Variants in RAD51B observed in about 807,000 individuals in gnomAD.
RAD51B encodes DNA repair protein RAD51 homolog 2.
RAD51B carries 38 observed loss-of-function variants against 42.2 expected under a neutral mutation model. That is an observed-to-expected ratio of 0.90 (90% CI 0.70 to 1.18). The LOEUF (loss-of-function observed/expected upper bound fraction) is 1.18, where lower values mean the gene tolerates loss of function less well. RAD51B is among the 50% of genes most tolerant of loss of function. RAD51B has a pLI of 0.00. For missense variants in RAD51B, 373 were observed against 400.7 expected (o/e 0.93, Z 0.59); for synonymous variants, 154 against 145.2 (o/e 1.06, Z -0.43).
chr14:67,915,447 G>C (rs2044119191), intron 7 of RAD51B, among the ~76,000 whole-genome samples: 1 of 152,154 alleles, frequency 6.6e-6, no homozygotes, highest in Non-Finnish European at 1.5e-5. Context: ...AAAAGTACCA[G>C]CAATAGCTTC....
intron 9 of RAD51B, among the ~76,000 whole-genome samples, chr14:68,432,736 AT>A (rs2085043618): frequency 6.6e-6 from 1 of 152,198 alleles, no homozygotes; most frequent in African/African-American, 2.4e-5. Flanking sequence ...TAATTGGAGC[AT>A]TTAGCCCATT....
At chr14:68,332,484 T>G (rs1180876501) in intron 8 of RAD51B, among the ~76,000 whole-genome samples, 1 of 152,230 alleles carries the variant, frequency 6.6e-6, no homozygotes, top group Middle Eastern at 3.2e-3. Flanking sequence ...ATTGTTTTCT[T>G]TCTAAACCTC....
chr14:68,497,721 C>T (rs767096135), intron 10 of RAD51B: 4 of 243,592 alleles, frequency 1.6e-5, no homozygotes, highest in Non-Finnish European at 3.1e-5. Flanking sequence ...ACCCACCAAT[C>T]TACTTTGTTG....
At chr14:68,396,197 A>G (rs8014234) in intron 8 of RAD51B, among the ~76,000 whole-genome samples, 68,123 of 152,128 alleles carry the variant, frequency 0.45, 16,888 homozygotes, top group South Asian at 0.6. Flanking sequence ...GCAACACTAG[A>G]GATATACTTC....
chr14:68,388,054 TTGTGTGTGTGTGTG>T (rs140319319), intron 8 of RAD51B, among the ~76,000 whole-genome samples: 3 of 120,426 alleles, frequency 2.5e-5, no homozygotes, highest in African/African-American at 1.0e-4. Flanking sequence ...GTGACTTGCA[TTGTGTGTGTGTGTG>T]TGTGTGTGTG....
Position 67,844,624 on chromosome 14 carries a change from A to T in RAD51B, c.315+9428A>T, listed in dbSNP as rs551570353. Among the ~76,000 whole-genome samples the T allele has an allele frequency of 2.1e-3, 311 of 147,796 alleles. 1 individual carries two copies. The highest frequency in any genetic ancestry group is 4.0e-3 in the South Asian group (19 of 4,764). On this transcript the variant is annotated intron_variant, in intron 4 of 10. Coordinates refer to ENST00000471583, the MANE Select transcript of RAD51B (RefSeq NM_133510.4). ...TTTTATATATATATTATATATATAT[A>T]TTTTTTTTATTATAGTTTAAGTTCT...
At chr14:68,135,551 T>C (rs1186508649) in intron 7 of RAD51B, among the ~76,000 whole-genome samples, 4 of 152,198 alleles carry the variant, frequency 2.6e-5, no homozygotes, top group Non-Finnish European at 5.9e-5. Flanking sequence ...GAGCTTACAA[T>C]TTGGTTCTCA....
intron 7 of RAD51B, among the ~76,000 whole-genome samples, chr14:68,116,975 T>C (rs879639804): frequency 6.6e-6 from 1 of 152,228 alleles, no homozygotes; most frequent in Non-Finnish European, 1.5e-5. Flanking sequence ...CCATATTCAT[T>C]AATTTACATA....
At chr14:68,393,224 C>A (rs898040254) in intron 8 of RAD51B, among the ~76,000 whole-genome samples, 5 of 152,190 alleles carry the variant, frequency 3.3e-5, no homozygotes, top group Non-Finnish European at 7.3e-5. Context: ...TAAGGATACT[C>A]AGAAATGAAT....
intron 7 of RAD51B, among the ~76,000 whole-genome samples, chr14:68,238,593 CT>C (rs1595590116): frequency 2.0e-5 from 3 of 152,224 alleles, no homozygotes; most frequent in Non-Finnish European, 4.4e-5. Flanking sequence ...GCATGAGCCA[CT>C]GTGCCCAACC....
rs370335238 is a variant in RAD51B, at chr14:68,054,738, A to G, written c.756+167534A>G. The stretch of plus-strand genomic sequence containing the variant: ...GTAAATACTATCTTTAAATAAAGTT[A>G]CTTGGGTTAGTTTTTCGTTCTCTCT... On this transcript the variant is annotated intron_variant, in intron 7 of 10. Transcript: ENST00000471583. Among the ~76,000 whole-genome samples the G allele has an allele frequency of 1.2e-4, 19 of 152,312 alleles. No homozygotes were observed. In the South Asian group the frequency reaches 3.9e-3, roughly 32 times the overall value.
At chr14:67,880,035 A>G (rs950123104) in intron 5 of RAD51B, among the ~76,000 whole-genome samples, 22 of 152,224 alleles carry the variant, frequency 1.4e-4, no homozygotes, top group African/African-American at 5.1e-4. Flanking sequence ...TTATGCATTT[A>G]TCACTCAGAA....
At chr14:68,033,491 C>T (rs1358188552) in intron 7 of RAD51B, among the ~76,000 whole-genome samples, 1 of 152,004 alleles carries the variant, frequency 6.6e-6, no homozygotes, top group African/African-American at 2.4e-5. Context: ...AACTCTTATT[C>T]ATTTTTCCAG....
intron 7 of RAD51B, among the ~76,000 whole-genome samples, chr14:67,892,254 C>G (rs1000570119): frequency 6.6e-6 from 1 of 152,072 alleles, no homozygotes; most frequent in African/African-American, 2.4e-5. Flanking sequence ...CTAGACTAAA[C>G]CTTTATCAGT....
intron 10 of RAD51B, among the ~76,000 whole-genome samples, chr14:68,621,399 ACTCTT>A (rs1486657524): frequency 2.0e-5 from 3 of 151,198 alleles, no homozygotes; most frequent in Non-Finnish European, 3.0e-5. Context: ...TTTCTCCTCT[ACTCTT>A]AAGTTCCTTT....
At chr14:68,232,621 T>G (rs143648063) in intron 7 of RAD51B, among the ~76,000 whole-genome samples, 1 of 152,348 alleles carries the variant, frequency 6.6e-6, no homozygotes, top group Non-Finnish European at 1.5e-5. Context: ...GGAATAACTT[T>G]GACTTTGTCA....
intron 8 of RAD51B, among the ~76,000 whole-genome samples, chr14:68,406,463 A>C (rs991306485): frequency 6.6e-6 from 1 of 152,222 alleles, no homozygotes; most frequent in African/African-American, 2.4e-5. Flanking sequence ...AGGTACAATA[A>C]AAATGGTAAA....
intron 8 of RAD51B, among the ~76,000 whole-genome samples, chr14:68,320,984 C>T (rs1040885288): frequency 5.3e-5 from 8 of 152,208 alleles, no homozygotes; most frequent in African/African-American, 1.2e-4. Context: ...TCTCATGTTT[C>T]TTTCCCCCCT....
chr14:68,532,187 A>G lies in RAD51B; in HGVS notation c.1037-62298A>G, dbSNP rs1227969747. Among the ~76,000 whole-genome samples, 3 of 152,226 alleles carry G rather than the reference A, an allele frequency of 2.0e-5. No homozygotes were observed. The East Asian group carries it at 5.8e-4, about 29-fold the overall frequency. ...CTCAATAAAAGATGTGTTTAAATCT[A>G]GAAGCAAGGAGAACAATAGATTAAG... On this transcript the variant is annotated intron_variant, in intron 10 of 10. Coordinates refer to the RAD51B transcript ENST00000487270.
Sources: allele counts gnomAD v4.1 joint callset (sites outside exome capture counted in the v4.1 genomes callset), GRCh38; gene constraint gnomAD v4.1.1; transcripts MANE v1.5; gene names NCBI Gene and HGNC (gene_info 2026-07-23, HGNC 2026-07-21).